The following CBFA2T2 variants were observed in gnomAD, a reference collection of about 807,000 sequenced individuals.
CBFA2T2 encodes protein CBFA2T2.
CBFA2T2 carries 11 observed loss-of-function variants against 62.2 expected under a neutral mutation model. The ratio of observed to expected loss-of-function variants is 0.18; its 90% CI spans 0.11 to 0.29. CBFA2T2 has a LOEUF of 0.29. Ranked by LOEUF, CBFA2T2 falls within the 10% of genes least tolerant of loss-of-function variation. CBFA2T2 has a pLI of 1.00. For synonymous variants in CBFA2T2, 295 were observed against 287.5 expected, an observed-to-expected ratio of 1.03 and a Z score of -0.27; for missense variants, 592 against 774.1, an observed-to-expected ratio of 0.76 and a Z score of 2.79.
In CBFA2T2 at chr20:33,545,470, T is replaced by TTTCG. The variant is rs1555833726; in HGVS notation, c.34+55176_34+55179dup. 2.7e-4 allele frequency among the ~76,000 whole-genome samples: 41 copies of TTTCG among 151,424 alleles called. No individual in the cohort carries two copies. In the East Asian group the frequency reaches 6.0e-3, roughly 22 times the overall value. Reference sequence around the variant, plus strand: ...CTTTCTTTCTTTCTTTCTTTCTTTCTTTCGTTCGTTTGTTTTCCTCTAGGC... The same window carrying TTTCG: ...CTTTCTTTCTTTCTTTCTTTCTTTCTTTCGTTCGTTCGTTTGTTTTCCTCTAGGC... On this transcript the variant is annotated intron_variant, in intron 1 of 10. Transcript: ENST00000342704.
In CBFA2T2 at chr20:33,584,103, ACACTC is replaced by A. The variant is rs146625712; in HGVS notation, c.35-22852_35-22848del. On this transcript the variant is annotated intron_variant, in intron 1 of 10. Transcript: ENST00000342704. ...GCTGGGACTACAGGTGCCTGCCACTACACTCAGCTAACTTTTTGTATTTTTAGTAG... is the reference window on the plus strand; with the variant it reads ...GCTGGGACTACAGGTGCCTGCCACTAAGCTAACTTTTTGTATTTTTAGTAG... 3.0e-4 allele frequency among the ~76,000 whole-genome samples: 45 copies of A among 151,516 alleles called. No individual in the cohort carries two copies. In the East Asian group the frequency reaches 8.4e-3, roughly 28 times the overall value.
intron 1 of CBFA2T2, among the ~76,000 whole-genome samples, chr20:33,549,059 T>C (rs1207340001): frequency 6.6e-6 from 1 of 151,982 alleles, no homozygotes; most frequent in Non-Finnish European, 1.5e-5. Flanking sequence ...ACCACGGGAG[T>C]TCTAGAAGAA....
chr20:33,544,773 C>T (rs1399811903), intron 1 of CBFA2T2, among the ~76,000 whole-genome samples: 1 of 152,050 alleles, frequency 6.6e-6, no homozygotes, highest in Non-Finnish European at 1.5e-5. Context: ...TCATGAACTC[C>T]TGACCTCATG....
chr20:33,543,624 G>A (rs2012463049), intron 1 of CBFA2T2, among the ~76,000 whole-genome samples: 1 of 152,134 alleles, frequency 6.6e-6, no homozygotes, highest in Admixed American at 6.6e-5. Flanking sequence ...AGCGTTCTTA[G>A]AGGGAAGAAC....
intron 1 of CBFA2T2, among the ~76,000 whole-genome samples, chr20:33,554,097 C>G (rs1326871857): frequency 2.0e-5 from 3 of 151,920 alleles, no homozygotes; most frequent in African/African-American, 7.2e-5. Context: ...TTTTTGCAAC[C>G]TGATGCTTGA....
intron 1 of CBFA2T2, among the ~76,000 whole-genome samples, chr20:33,508,105 TTTTG>T (rs1315613587): frequency 6.6e-6 from 1 of 152,110 alleles, no homozygotes; most frequent in Non-Finnish European, 1.5e-5. Context: ...TTTGTGCTGT[TTTTG>T]TTTGTTTGAT....
intron 1 of CBFA2T2, 70 bp downstream of exon 1, chr20:33,490,371 T>A: frequency 2.5e-6 from 3 of 1,218,738 alleles, no homozygotes; most frequent in Non-Finnish European, 3.1e-6. Flanking sequence ...GGCGCGGTGA[T>A]TCCGAGTGCC....
At chr20:33,595,285 C>G (rs1843273153) in intron 1 of CBFA2T2, among the ~76,000 whole-genome samples, 1 of 152,092 alleles carries the variant, frequency 6.6e-6, no homozygotes, top group South Asian at 2.1e-4. Context: ...AATCCCGGCT[C>G]ACTGCAACCT....
chr20:33,636,124 C>T (rs550826428), intron 8 of CBFA2T2, among the ~76,000 whole-genome samples: 104 of 151,872 alleles, frequency 6.8e-4, no homozygotes, highest in East Asian at 1.6e-3. Flanking sequence ...GGCAGGGTGG[C>T]GCACACCTGT....
intron 1 of CBFA2T2, among the ~76,000 whole-genome samples, chr20:33,513,898 G>A (rs1272966878): frequency 1.4e-5 from 2 of 147,690 alleles, no homozygotes; most frequent in Non-Finnish European, 3.0e-5. Context: ...TTTGTTTTGT[G>A]TTTTTTTTTG....
intron 7 of CBFA2T2, among the ~76,000 whole-genome samples, chr20:33,628,788 T>C (rs2122352289): frequency 6.6e-6 from 1 of 152,308 alleles, no homozygotes; most frequent in Middle Eastern, 3.4e-3. Flanking sequence ...CTACCAATAA[T>C]TAATGGAACA....
intron 1 of CBFA2T2, among the ~76,000 whole-genome samples, chr20:33,560,754 T>C (rs1476597467): frequency 6.6e-6 from 1 of 152,164 alleles, no homozygotes; most frequent in African/African-American, 2.4e-5. Flanking sequence ...TATATATATA[T>C]ATGCAGGGGA....
At chr20:33,616,104 GAT>G (rs2015701319) in intron 3 of CBFA2T2, among the ~76,000 whole-genome samples, 1 of 151,582 alleles carries the variant, frequency 6.6e-6, no homozygotes, top group African/African-American at 2.4e-5. Flanking sequence ...TAGATAGATA[GAT>G]AGATAGATAG....
At chr20:33,544,426 C>T (rs209663) in intron 1 of CBFA2T2, among the ~76,000 whole-genome samples, 15,730 of 152,180 alleles carry the variant, frequency 0.1, 2,177 homozygotes, top group African/African-American at 0.3. Flanking sequence ...ACTTTACCAG[C>T]TTATTACCTT....
chr20:33,595,356 C>T (rs1179179055), intron 1 of CBFA2T2, among the ~76,000 whole-genome samples: 2 of 151,788 alleles, frequency 1.3e-5, no homozygotes, highest in Admixed American at 1.3e-4. Flanking sequence ...GGACTACAGG[C>T]GCACACCACC....
At chr20:33,601,580 T>C (rs1442480220) in intron 1 of CBFA2T2, among the ~76,000 whole-genome samples, 1 of 152,004 alleles carries the variant, frequency 6.6e-6, no homozygotes, top group Non-Finnish European at 1.5e-5. Context: ...TCTGATTTTT[T>C]TATAAAGCAA....
chr20:33,630,766 T>C (rs1041586981), intron 8 of CBFA2T2, among the ~76,000 whole-genome samples: 1 of 152,164 alleles, frequency 6.6e-6, no homozygotes, highest in African/African-American at 2.4e-5. Context: ...GAAGAACAAG[T>C]CTCTTACGAC....
At chr20:33,606,613 G>A (rs1657469507) in intron 1 of CBFA2T2, among the ~76,000 whole-genome samples, 1 of 152,054 alleles carries the variant, frequency 6.6e-6, no homozygotes, top group African/African-American at 2.4e-5. Flanking sequence ...CACTTGGTGT[G>A]ACTGTCCTCT....
At chr20:33,538,371 TC>T (rs1289340283) in intron 1 of CBFA2T2, among the ~76,000 whole-genome samples, 1 of 152,090 alleles carries the variant, frequency 6.6e-6, no homozygotes, top group African/African-American at 2.4e-5. Flanking sequence ...TTTTCTTTTT[TC>T]TTTTTCCTTT....
Sources: allele counts gnomAD v4.1 joint callset (sites outside exome capture counted in the v4.1 genomes callset), GRCh38; gene constraint gnomAD v4.1.1; transcripts MANE v1.5; gene names NCBI Gene and HGNC (gene_info 2026-07-23, HGNC 2026-07-21).